The following CDK19 variants were observed in gnomAD, a reference collection of about 807,000 sequenced individuals.
CDK19 encodes cyclin dependent kinase 19.
CDK19 carries 20 observed loss-of-function variants against 68.3 expected under a neutral mutation model. That is an observed-to-expected ratio of 0.29 (90% CI 0.21 to 0.43). The LOEUF is 0.43. Ranked by LOEUF, CDK19 falls within the 20% of genes least tolerant of loss-of-function variation. CDK19 has a pLI of 1.00. For missense variants in CDK19, 339 were observed against 623.5 expected, an observed-to-expected ratio of 0.54 and a Z score of 4.86; for synonymous variants, 221 against 222.8, an observed-to-expected ratio of 0.99 and a Z score of 0.07.
At chr6:110,636,486 T>C (rs891183618) in intron 5 of CDK19, among the ~76,000 whole-genome samples, 2 of 152,196 alleles carry the variant, frequency 1.3e-5, no homozygotes, top group Non-Finnish European at 2.9e-5. Context: ...AATTATGGTA[T>C]GCCATATAGA....
chr6:110,777,913 T>G (rs1235095340), intron 1 of CDK19, among the ~76,000 whole-genome samples: 1 of 152,186 alleles, frequency 6.6e-6, no homozygotes, highest in African/African-American at 2.4e-5. Context: ...CCCATGTACA[T>G]CAGGTAGGTA....
chr6:110,672,099 T>C (rs1197798753), intron 2 of CDK19, among the ~76,000 whole-genome samples: 1 of 152,142 alleles, frequency 6.6e-6, no homozygotes, highest in African/African-American at 2.4e-5. Flanking sequence ...AAACCCTGTT[T>C]TTAATGACCC....
chr6:110,645,944 C>T (rs1397697433), intron 4 of CDK19: 8 of 1,127,294 alleles, frequency 7.1e-6, no homozygotes, highest in Non-Finnish European at 1.0e-5. Flanking sequence ...GCCTGCGAGC[C>T]ACCGACCGCG....
intron 2 of CDK19, among the ~76,000 whole-genome samples, chr6:110,718,300 C>T (rs1474979265): frequency 6.6e-6 from 1 of 152,042 alleles, no homozygotes; most frequent in Non-Finnish European, 1.5e-5. Context: ...GGGTCTAAAC[C>T]GCCACTCAAA....
intron 1 of CDK19, among the ~76,000 whole-genome samples, chr6:110,791,767 C>T (rs1007920889): frequency 6.6e-6 from 1 of 151,920 alleles, no homozygotes; most frequent in Non-Finnish European, 1.5e-5. Context: ...GCTGAGACTG[C>T]AGGCACACAC....
intron 1 of CDK19, among the ~76,000 whole-genome samples, chr6:110,787,613 T>G (rs1226287903): frequency 1.3e-5 from 2 of 151,996 alleles, no homozygotes; most frequent in Non-Finnish European, 2.9e-5. Context: ...ATATTTTATT[T>G]TATTTTTTTG....
intron 2 of CDK19, among the ~76,000 whole-genome samples, chr6:110,734,520 G>GCGCTCTCGCTCTCTCTCTCTCTCTCT (rs1554214772): frequency 1.2e-5 from 1 of 85,734 alleles, no homozygotes; most frequent in South Asian, 4.3e-4. Flanking sequence ...GGTGAGCACT[G>GCGCTCTCGCTCTCTCTCTCTCTCTCT]CTCTCTCTCT....
intron 4 of CDK19, among the ~76,000 whole-genome samples, chr6:110,664,905 G>A (rs559605947): frequency 4.6e-5 from 7 of 152,306 alleles, no homozygotes; most frequent in Non-Finnish European, 1.0e-4. Context: ...TTGAGACAGG[G>A]ATAAGGGGTT....
chr6:110,758,034 A>T (rs575764115), intron 1 of CDK19, among the ~76,000 whole-genome samples: 1 of 152,076 alleles, frequency 6.6e-6, no homozygotes, highest in South Asian at 2.1e-4. Context: ...TCTAAAAAAA[A>T]TTTAAAAATT....
In CDK19 at chr6:110,746,144, C is replaced by T. The variant is rs747415469; in HGVS notation, c.186G>A (p.Ser62=). The T allele has an allele frequency of 6.9e-6, 11 of 1,593,646 alleles. No homozygotes were observed. The highest frequency in any genetic ancestry group is 4.6e-5 in the East Asian group (2 of 43,750). The change falls in exon 2 of 13, where the codon TCG becomes TCA. Residue 62 remains serine (S), a synonymous_variant. Coordinates refer to ENST00000368911, the MANE Select transcript of CDK19 (RefSeq NM_015076.5). ...KQIEGTGISM[S]ACREIALLRE... ...CACTTACTGCAATCTCTCTACAAGC[C>T]GACATGGATATTCCTGTGCCTTCAA...
intron 5 of CDK19, among the ~76,000 whole-genome samples, chr6:110,634,513 C>T (rs577064217): frequency 1.1e-4 from 16 of 152,244 alleles, no homozygotes; most frequent in African/African-American, 3.4e-4. Flanking sequence ...CCACTGAGCC[C>T]GGCCTGTAGT....
intron 4 of CDK19, among the ~76,000 whole-genome samples, chr6:110,665,994 C>T (rs1400514083): frequency 6.6e-6 from 1 of 151,926 alleles, no homozygotes; most frequent in African/African-American, 2.4e-5. Flanking sequence ...CCACCCACCT[C>T]GGCCTTCCAA....
At position 110,731,318 on chromosome 6, in the gene CDK19, G is replaced by A. The variant is rs147923607; in HGVS notation, c.204+14808C>T. 2.8e-3 allele frequency among the ~76,000 whole-genome samples: 427 copies of A among 152,274 alleles called. 5 individuals carry two copies. Among genetic ancestry groups the A allele is most frequent in the East Asian group, 8.3e-3 (43 of 5,174 alleles). On this transcript the variant is annotated intron_variant, in intron 2 of 12. Transcript: ENST00000368911. Reference sequence around the variant, plus strand: ...AAAAACAATCTTCACAACCTTCAGTGTGGGATCACTGGCTGTGATGATGCT... The same window carrying A: ...AAAAACAATCTTCACAACCTTCAGTATGGGATCACTGGCTGTGATGATGCT...
At chr6:110,633,316 G>C (rs1779563834) in intron 5 of CDK19, among the ~76,000 whole-genome samples, 1 of 152,216 alleles carries the variant, frequency 6.6e-6, no homozygotes, top group Non-Finnish European at 1.5e-5. Context: ...GCTGCAGCCA[G>C]ATCCAACAAA....
chr6:110,755,588 T>C (rs1156541946), intron 1 of CDK19, among the ~76,000 whole-genome samples: 4 of 152,046 alleles, frequency 2.6e-5, no homozygotes, highest in African/African-American at 9.7e-5. Flanking sequence ...ACCAGAAACG[T>C]GTGGACAAAG....
chr6:110,748,539 AAACT>A (rs1243132536), intron 1 of CDK19, among the ~76,000 whole-genome samples: 1 of 152,252 alleles, frequency 6.6e-6, no homozygotes, highest in Non-Finnish European at 1.5e-5. Context: ...TTCTCTTTGT[AAACT>A]AACTGTCAGA....
At chr6:110,624,024 T>C (rs913471716) in intron 8 of CDK19, among the ~76,000 whole-genome samples, 1 of 151,494 alleles carries the variant, frequency 6.6e-6, no homozygotes, top group African/African-American at 2.4e-5. Context: ...TGGAATGTTA[T>C]ACAACAGTAA....
chr6:110,795,058 T>C (rs1220913501), intron 1 of CDK19, among the ~76,000 whole-genome samples: 1 of 152,088 alleles, frequency 6.6e-6, no homozygotes, highest in Non-Finnish European at 1.5e-5. Flanking sequence ...TAGCCTCAAC[T>C]TTCCCTGGCT....
intron 2 of CDK19, among the ~76,000 whole-genome samples, chr6:110,676,347 G>A (rs1771534986): frequency 6.6e-6 from 1 of 152,202 alleles, no homozygotes; most frequent in South Asian, 2.1e-4. Flanking sequence ...TGAAGATGCT[G>A]TAAACACCAC....
Sources: allele counts gnomAD v4.1 joint callset (sites outside exome capture counted in the v4.1 genomes callset), GRCh38; gene constraint gnomAD v4.1.1; transcripts MANE v1.5; gene names NCBI Gene and HGNC (gene_info 2026-07-23, HGNC 2026-07-21).